Variants in IGF1R observed in about 807,000 individuals in gnomAD.
IGF1R encodes the protein insulin-like growth factor 1 receptor.
A neutral mutation model predicts 144.6 loss-of-function variants in IGF1R; 44 were observed. The observed-to-expected ratio is 0.30, with a 90% CI of 0.24 to 0.39. The LOEUF is 0.39. Among genes scored for constraint, IGF1R ranks in the 10% least tolerant of loss-of-function variants. IGF1R has a pLI of 1.00. For synonymous variants in IGF1R, 795 were observed against 722.8 expected, an observed-to-expected ratio of 1.10 and a Z score of -1.60; for missense variants, 1,355 against 1,833.7, an observed-to-expected ratio of 0.74 and a Z score of 4.77.
intron 6 of IGF1R, among the ~76,000 whole-genome samples, chr15:98,909,265 T>TTTCTTTC (rs1555459656): frequency 2.9e-5 from 4 of 135,658 alleles, no homozygotes; most frequent in Non-Finnish European, 6.4e-5. Flanking sequence ...TTTTTTCTTT[T>TTTCTTTC]TTTTTTTTTT....
At chr15:98,664,924 G>GTT (rs985916035) in intron 1 of IGF1R, among the ~76,000 whole-genome samples, 1 of 143,762 alleles carries the variant, frequency 7.0e-6, no homozygotes, top group Non-Finnish European at 1.5e-5. Context: ...TACATTTGCC[G>GTT]TTTTTTTTTG....
chr15:98,729,464 A>G (rs373208773), intron 2 of IGF1R, among the ~76,000 whole-genome samples: 5 of 151,894 alleles, frequency 3.3e-5, no homozygotes, highest in South Asian at 2.1e-4. Flanking sequence ...TATTTCTTCT[A>G]TTCTTTTCAA....
At chr15:98,677,556 G>A (rs968614135) in intron 1 of IGF1R, among the ~76,000 whole-genome samples, 1 of 152,228 alleles carries the variant, frequency 6.6e-6, no homozygotes. Flanking sequence ...AGTTCAGGCA[G>A]TCTGGAGGGA....
intron 2 of IGF1R, among the ~76,000 whole-genome samples, chr15:98,750,340 G>T (rs1466114112): frequency 5.3e-5 from 8 of 152,298 alleles, no homozygotes; most frequent in African/African-American, 1.9e-4. Flanking sequence ...TGGCCTCCCT[G>T]ATCAAGGGCC....
chr15:98,756,834 A>G (rs1035531749), intron 2 of IGF1R, among the ~76,000 whole-genome samples: 4 of 152,122 alleles, frequency 2.6e-5, no homozygotes, highest in Non-Finnish European at 4.4e-5. Context: ...ATGGTTTGTA[A>G]TTAAAATATT....
At chr15:98,833,178 A>T (rs1204646061) in intron 2 of IGF1R, among the ~76,000 whole-genome samples, 4 of 152,310 alleles carry the variant, frequency 2.6e-5, no homozygotes, top group South Asian at 2.1e-4. Context: ...AAAACCAGCC[A>T]ATCAGCCAAG....
chr15:98,669,477 TA>T (rs2052831078), intron 1 of IGF1R, among the ~76,000 whole-genome samples: 1 of 152,208 alleles, frequency 6.6e-6, no homozygotes, highest in Non-Finnish European at 1.5e-5. Context: ...TTGGCTTTGT[TA>T]GAACGTTGCC....
chr15:98,783,981 T>G (rs1396256393), intron 2 of IGF1R, among the ~76,000 whole-genome samples: 1 of 124,118 alleles, frequency 8.1e-6, no homozygotes, highest in East Asian at 2.3e-4. Context: ...TTTTTTTTTT[T>G]TTTTTTTTTT....
At chr15:98,878,663 C>CAAAAAAAAAAAAAAAAAGA (rs2013186739) in intron 2 of IGF1R, among the ~76,000 whole-genome samples, 1 of 57,906 alleles carries the variant, frequency 1.7e-5, no homozygotes, top group African/African-American at 1.0e-4. Context: ...GTGAAAGACT[C>CAAAAAAAAAAAAAAAAAGA]AAAAAAAAAA....
At position 98,908,960 on chromosome 15, in the gene IGF1R, C is replaced by T. The variant is rs34061630; in HGVS notation, c.1462+61C>T. On this transcript the variant is annotated intron_variant, in intron 6 of 20. Coordinates refer to ENST00000650285, the MANE Select transcript of IGF1R (RefSeq NM_000875.5). ...CATCATGATAACAGCAGACCCTCCT[C>T]CCATGTGTGATGGCAGCTTTCCTCT... 773 of 1,459,640 alleles carry T rather than the reference C, an allele frequency of 5.3e-4. 4 individuals are homozygous for T. In the African/African-American group the frequency reaches 8.7e-3, roughly 17 times the overall value. The allele number at this position is 1,459,640 out of a possible 1,614,324, so 90.4% of individuals were successfully genotyped here. A position where few individuals can be genotyped will look rare whatever the true frequency, so the allele number is the denominator to read the frequency against.
intron 1 of IGF1R, among the ~76,000 whole-genome samples, chr15:98,661,753 C>G (rs769113319): frequency 6.6e-6 from 1 of 152,198 alleles, no homozygotes; most frequent in African/African-American, 2.4e-5. Flanking sequence ...TAACACTGCT[C>G]TAGCAGGGAT....
At chr15:98,825,118 C>T (rs1472442812) in intron 2 of IGF1R, among the ~76,000 whole-genome samples, 1 of 152,176 alleles carries the variant, frequency 6.6e-6, no homozygotes, top group African/African-American at 2.4e-5. Flanking sequence ...GGATTACAGG[C>T]ATGAGCCACC....
chr15:98,862,009 T>A (rs2012183545), intron 2 of IGF1R, among the ~76,000 whole-genome samples: 1 of 152,206 alleles, frequency 6.6e-6, no homozygotes, highest in African/African-American at 2.4e-5. Flanking sequence ...CGGAAAAAAG[T>A]AGATCAAGCT....
intron 12 of IGF1R, 104 bp downstream of exon 12, chr15:98,924,116 C>T: frequency 2.6e-6 from 3 of 1,141,832 alleles, no homozygotes; most frequent in Non-Finnish European, 4.0e-6. Context: ...GGACTTAAAA[C>T]AATAAAATCC....
intron 1 of IGF1R, among the ~76,000 whole-genome samples, chr15:98,684,930 C>CTTTTTTT (rs5814891): frequency 8.8e-6 from 1 of 113,438 alleles, no homozygotes; most frequent in Non-Finnish European, 1.8e-5. Context: ...CTTCCTTTTC[C>CTTTTTTT]TTTTTTTTTT....
At chr15:98,828,114 G>A (rs567332160) in intron 2 of IGF1R, among the ~76,000 whole-genome samples, 11 of 152,144 alleles carry the variant, frequency 7.2e-5, no homozygotes, top group Non-Finnish European at 1.0e-4. Context: ...CAGCGTGCCT[G>A]TTACAGTGAT....
In IGF1R at chr15:98,922,311, G is replaced by A. The variant is rs1291577911; in HGVS notation, c.2365G>A (p.Val789Ile). Residue 789 changes from valine to isoleucine, a missense_variant, in exon 11 of 21, where the codon GTC becomes ATC. Physicochemically the swap from Val to Ile is conservative, Grantham distance 29. Coordinates refer to ENST00000650285, the MANE Select transcript of IGF1R (RefSeq NM_000875.5). ...CAGAGTGGATAACAAGGAGAGAACTGTCATTTCTAACCTTCGGCCTTTCAC... is the reference window on the plus strand; with the variant it reads ...CAGAGTGGATAACAAGGAGAGAACTATCATTTCTAACCTTCGGCCTTTCAC... ...ESRVDNKERT[V>I]ISNLRPFTLY... The A allele has an allele frequency of 1.2e-6, 2 of 1,614,184 alleles. No homozygotes were observed. Among genetic ancestry groups the A allele is most frequent in the Admixed American group, 1.7e-5 (1 of 60,030 alleles).
intron 2 of IGF1R, among the ~76,000 whole-genome samples, chr15:98,882,600 C>T (rs1368289198): frequency 1.3e-5 from 2 of 152,168 alleles, no homozygotes; most frequent in Non-Finnish European, 2.9e-5. Context: ...CCTGCCTTTG[C>T]ATGCCATAAA....
At position 98,943,044 on chromosome 15, in the gene IGF1R, G is replaced by C. The variant is rs777500976; in HGVS notation, c.3579G>C (p.Ser1193=). The C allele has an allele frequency of 6.2e-7, 1 of 1,614,202 alleles. No individual in the cohort carries two copies. Among genetic ancestry groups the C allele is most frequent in the Non-Finnish European group, 8.5e-7 (1 of 1,180,018 alleles). Residue 1193 remains serine, a synonymous_variant, in exon 19 of 21, where the codon TCG becomes TCC. Coordinates refer to ENST00000650285, the MANE Select transcript of IGF1R (RefSeq NM_000875.5). ...SLKDGVFTTY[S]DVWSFGVVLW... Reference sequence around the variant, plus strand: ...AGGATGGAGTCTTCACCACTTACTCGGACGTCTGGTATGAGAACCTTTACT... The same window carrying C: ...AGGATGGAGTCTTCACCACTTACTCCGACGTCTGGTATGAGAACCTTTACT...
Sources: allele counts gnomAD v4.1 joint callset (sites outside exome capture counted in the v4.1 genomes callset), GRCh38; gene constraint gnomAD v4.1.1; transcripts MANE v1.5; gene names NCBI Gene and HGNC (gene_info 2026-07-23, HGNC 2026-07-21).